PDXDC1: variants seen among roughly 807,000 people sequenced by gnomAD.
PDXDC1 encodes pyridoxal-dependent decarboxylase domain-containing protein 1.
Under a neutral mutation model 100.1 loss-of-function variants are expected in PDXDC1, and 42 were observed. The ratio of observed to expected loss-of-function variants is 0.42; its 90% CI spans 0.33 to 0.54. The LOEUF (loss-of-function observed/expected upper bound fraction) is 0.54. Ranked by LOEUF, PDXDC1 falls within the 20% of genes least tolerant of loss-of-function variation. The pLI is 0.10. For synonymous variants in PDXDC1, 260 were observed against 371.7 expected, an observed-to-expected ratio of 0.70 and a Z score of 3.46; for missense variants, 636 against 979.2, an observed-to-expected ratio of 0.65 and a Z score of 4.68.
intron 16 of PDXDC1, among the ~76,000 whole-genome samples, chr16:15,079,298 G>T (rs1270937705): frequency 2.0e-5 from 3 of 152,132 alleles, no homozygotes; most frequent in Non-Finnish European, 4.4e-5. Context: ...GCACCTTAGT[G>T]CGGGCCTCCT....
chr16:15,023,008 CATTT>C (rs1422838712), intron 13 of PDXDC1, among the ~76,000 whole-genome samples: 1 of 152,284 alleles, frequency 6.6e-6, no homozygotes, highest in Non-Finnish European at 1.5e-5. Context: ...TCATGTACTT[CATTT>C]ATTGTGTTAA....
downstream of PDXDC1, chr16:15,040,199 T>C (rs192292753): frequency 1.3e-4 from 61 of 477,666 alleles, no homozygotes; most frequent in East Asian, 1.9e-3. Flanking sequence ...GTATCTGGAC[T>C]TCCCCCTCCC....
intron 16 of PDXDC1, among the ~76,000 whole-genome samples, chr16:15,090,684 T>C (rs2046094829): frequency 6.6e-6 from 1 of 152,178 alleles, no homozygotes; most frequent in Non-Finnish European, 1.5e-5. Flanking sequence ...GTTAAAACAA[T>C]TTGCTCAAGA....
chr16:15,063,181 C>G (rs1248390374), intron 16 of PDXDC1: 17 of 1,534,666 alleles, frequency 1.1e-5, no homozygotes, highest in Non-Finnish European at 1.4e-5. Context: ...TGTGCTCAAT[C>G]AATCACAAAC....
chr16:15,029,875 C>T (rs867722376), intron 15 of PDXDC1, 76 bp from the exon 16 acceptor site: 129 of 1,365,568 alleles, frequency 9.4e-5, no homozygotes, highest in South Asian at 5.9e-4. Context: ...GGTCTGGGGC[C>T]GAGGGGATGA....
intron 8 of PDXDC1, among the ~76,000 whole-genome samples, chr16:15,013,311 T>G (rs1384881522): frequency 7.1e-6 from 1 of 140,440 alleles, no homozygotes; most frequent in Non-Finnish European, 1.5e-5. Flanking sequence ...ATTGTGCTAC[T>G]GCACTTCAGC....
At chr16:15,145,205 T>C in the PDXDC1 span, among the ~76,000 whole-genome samples, 4 of 152,144 alleles carry the variant, frequency 2.6e-5, no homozygotes, top group Admixed American at 2.0e-4. Flanking sequence ...AAACTGGCCA[T>C]CTGCGCCCGG....
intron 16 of PDXDC1, chr16:15,135,711 T>TG (rs1338538841): frequency 3.1e-6 from 5 of 1,595,970 alleles, no homozygotes; most frequent in Non-Finnish European, 4.3e-6. Context: ...TCCTCCAGGT[T>TG]GGGGTCGTAG....
At chr16:15,023,494 G>A (rs1411891162) in intron 13 of PDXDC1, among the ~76,000 whole-genome samples, 4 of 152,278 alleles carry the variant, frequency 2.6e-5, no homozygotes, top group Non-Finnish European at 5.9e-5. Context: ...AACATGGTTT[G>A]GTTTAAATAC....
chr16:15,046,322 G>T (rs1315063523), intron 16 of PDXDC1, among the ~76,000 whole-genome samples: 1 of 152,180 alleles, frequency 6.6e-6, no homozygotes, highest in Non-Finnish European at 1.5e-5. Flanking sequence ...TCACTCAATG[G>T]CTGCCTTAGA....
At chr16:15,027,081 C>CT (rs1280455068) in intron 14 of PDXDC1, among the ~76,000 whole-genome samples, 28 of 152,402 alleles carry the variant, frequency 1.8e-4, no homozygotes, top group Admixed American at 3.9e-4. Flanking sequence ...GGGCACCACT[C>CT]TTTTTTTACC....
In PDXDC1 at chr16:15,056,010, G is replaced by A. The variant is rs1161380639; in HGVS notation, c.1399+25954G>A. 5.4e-6 allele frequency: 6 copies of A among 1,119,124 alleles called. No individual in the cohort carries two copies. In the South Asian group the frequency reaches 1.3e-4, roughly 25 times the overall value. The allele number at this position is 1,119,124 out of a possible 1,614,324, so 69.3% of individuals were successfully genotyped here. Reference sequence around the variant, plus strand: ...GCCCAGGCAGGCCCAGGGAGGCGGCGGCCCCCCGCTTTGCAGCCCCGGGCC... The same window carrying A: ...GCCCAGGCAGGCCCAGGGAGGCGGCAGCCCCCCGCTTTGCAGCCCCGGGCC... On this transcript the variant is annotated intron_variant, in intron 16 of 16. Transcript: ENST00000535621.
chr16:15,030,736 C>T (rs2043001307), intron 16 of PDXDC1, among the ~76,000 whole-genome samples: 1 of 151,420 alleles, frequency 6.6e-6, no homozygotes, highest in South Asian at 2.1e-4. Context: ...GCATGAGCCA[C>T]CACACTGGAC....
At chr16:15,011,419 A>G (rs571026797) in intron 8 of PDXDC1, among the ~76,000 whole-genome samples, 298 of 152,344 alleles carry the variant, frequency 2.0e-3, no homozygotes, top group Non-Finnish European at 3.5e-3. Flanking sequence ...TAAATGGTTC[A>G]TCAACCTAAG....
chr16:15,044,304 T>A, intron 16 of PDXDC1: 1 of 1,514,824 alleles, frequency 6.6e-7, no homozygotes, highest in African/African-American at 1.4e-5. Flanking sequence ...TATGTCCAAT[T>A]TGGGGGAAAG....
chr16:15,014,747 G>T (rs1221646325), intron 8 of PDXDC1, among the ~76,000 whole-genome samples: 1 of 152,276 alleles, frequency 6.6e-6, no homozygotes, highest in Non-Finnish European at 1.5e-5. Flanking sequence ...AATTTAGGAC[G>T]GTTGGGGGAA....
intron 16 of PDXDC1, chr16:15,125,548 CACCTCTT>C: frequency 6.3e-7 from 1 of 1,584,198 alleles, no homozygotes; most frequent in Admixed American, 1.7e-5. Flanking sequence ...TAGGGGAACC[CACCTCTT>C]AGAATCATCC....
chr16:14,978,706 C>T (rs1270178591), intron 1 of PDXDC1, among the ~76,000 whole-genome samples: 3 of 152,294 alleles, frequency 2.0e-5, no homozygotes, highest in Non-Finnish European at 1.5e-5. Flanking sequence ...AAACCTGCTA[C>T]TCTAAACTTG....
At chr16:15,081,440 T>C (rs1043017636) in intron 16 of PDXDC1, among the ~76,000 whole-genome samples, 2 of 152,306 alleles carry the variant, frequency 1.3e-5, no homozygotes, top group African/African-American at 4.8e-5. Context: ...GTGAAATCAT[T>C]TCCCTGATGG....
Sources: allele counts gnomAD v4.1 joint callset (sites outside exome capture counted in the v4.1 genomes callset), GRCh38; gene constraint gnomAD v4.1.1; transcripts MANE v1.5; gene names NCBI Gene and HGNC (gene_info 2026-07-23, HGNC 2026-07-21).